The following WDR25 variants were observed in gnomAD, a reference collection of about 807,000 sequenced individuals.
The protein encoded by WDR25 is WD repeat-containing protein 25.
A neutral mutation model predicts 47.7 loss-of-function variants in WDR25; 35 were observed. The observed-to-expected ratio is 0.73, with a 90% CI of 0.56 to 0.97. The LOEUF is 0.97. Among genes scored for constraint, WDR25 ranks in the 50% least tolerant of loss-of-function variants. WDR25 has a pLI of 0.00. For synonymous variants in WDR25, 248 were observed against 278.9 expected (o/e 0.89, Z 1.10); for missense variants, 634 against 704.7 (o/e 0.90, Z 1.14).
In WDR25 at chr14:100,404,440, C is replaced by T. The variant is rs760975792; in HGVS notation, c.822+22694C>T. Among the ~76,000 whole-genome samples the T allele has an allele frequency of 1.3e-5, 2 of 152,252 alleles. No homozygotes were observed. The highest frequency in any genetic ancestry group is 6.5e-5 in the Admixed American group (1 of 15,294). On this transcript the variant is annotated intron_variant, in intron 2 of 6. Coordinates refer to ENST00000402312, the MANE Select transcript of WDR25 (RefSeq NM_001161476.3). This position sits in a 1 kb window ranked among gnomAD's most constrained non-coding sequence, Gnocchi z 4.6. ...AAGCTGGGTTTACCACTGACAGTGT[C>T]ATTTCTCATGTGGTTTTCACCTTGA...
intron 2 of WDR25, among the ~76,000 whole-genome samples, chr14:100,418,451 G>A (rs1483378680): frequency 6.6e-6 from 1 of 151,610 alleles, no homozygotes. Flanking sequence ...GGCCAACACG[G>A]TGAAACCCCT....
At chr14:100,447,983 C>T (rs994919056) in intron 2 of WDR25, among the ~76,000 whole-genome samples, 3 of 152,042 alleles carry the variant, frequency 2.0e-5, no homozygotes, top group Non-Finnish European at 2.9e-5. Context: ...CACCTGAGGT[C>T]GGGAGTTCGA....
At chr14:100,474,901 G>C (rs1431947628) in intron 3 of WDR25, among the ~76,000 whole-genome samples, 1 of 152,180 alleles carries the variant, frequency 6.6e-6, no homozygotes, top group Non-Finnish European at 1.5e-5. Context: ...CATCTTGTGA[G>C]GGGCTAATAT....
chr14:100,417,256 C>T (rs1210739015), intron 2 of WDR25, among the ~76,000 whole-genome samples: 2 of 152,260 alleles, frequency 1.3e-5, no homozygotes, highest in Non-Finnish European at 2.9e-5. Flanking sequence ...CTGGTGCTGA[C>T]ACTAGCTCAG....
At chr14:100,412,673 AT>A (rs978110673) in intron 2 of WDR25, among the ~76,000 whole-genome samples, 1 of 152,118 alleles carries the variant, frequency 6.6e-6, no homozygotes, top group African/African-American at 2.4e-5. Flanking sequence ...AAAATGGGTA[AT>A]GTCTCTGTGG....
chr14:100,376,678 C>T (rs1896688608), intron 1 of WDR25, 183 bp downstream of exon 1: 8 of 1,231,550 alleles, frequency 6.5e-6, no homozygotes, highest in Non-Finnish European at 8.1e-6. Context: ...CAGCTAACTC[C>T]TATTCATCCT....
intron 2 of WDR25, 87 bp from the exon 3 acceptor site, chr14:100,467,934 C>A: frequency 1.3e-6 from 2 of 1,521,708 alleles, no homozygotes; most frequent in Non-Finnish European, 1.8e-6. Context: ...TCCACCGAGA[C>A]CTTTTTCTTT....
intron 2 of WDR25, among the ~76,000 whole-genome samples, chr14:100,389,520 G>A (rs1897092236): frequency 6.6e-6 from 1 of 152,296 alleles, no homozygotes; most frequent in Non-Finnish European, 1.5e-5. Context: ...ATACTGGGGG[G>A]AGTGGAGCAA....
At chr14:100,473,084 C>T (rs1419797135) in intron 3 of WDR25, among the ~76,000 whole-genome samples, 1 of 152,256 alleles carries the variant, frequency 6.6e-6, no homozygotes, top group African/African-American at 2.4e-5. Flanking sequence ...TGTTTTCAAT[C>T]TATGACTGGG....
At chr14:100,421,601 G>A (rs965847391) in intron 2 of WDR25, among the ~76,000 whole-genome samples, 6 of 152,118 alleles carry the variant, frequency 3.9e-5, no homozygotes, top group South Asian at 4.1e-4. Flanking sequence ...GCATTTTTCC[G>A]TATTTATACT....
At chr14:100,417,562 C>T (rs1017688217) in intron 2 of WDR25, among the ~76,000 whole-genome samples, 3 of 152,164 alleles carry the variant, frequency 2.0e-5, no homozygotes, top group African/African-American at 4.8e-5. Context: ...GAGGCTACTG[C>T]GAGTCACCTT....
At chr14:100,527,227 CCACCATCATCACCACCGTCATCTCTGTCA>C (rs2030221344) in intron 5 of WDR25, among the ~76,000 whole-genome samples, 1 of 151,654 alleles carries the variant, frequency 6.6e-6, no homozygotes, top group Non-Finnish European at 1.5e-5. Flanking sequence ...ACCACCATTA[CCACCATCATCACCACCGTCATCTCTGTCA>C]CACCACCATC....
Position 100,475,273 on chromosome 14 carries a change from C to T in WDR25, c.970+7105C>T, listed in dbSNP as rs141094676. 9.2e-4 allele frequency among the ~76,000 whole-genome samples: 140 copies of T among 152,328 alleles called. 1 individual carries two copies. The highest frequency in any genetic ancestry group is 3.1e-3 in the African/African-American group (127 of 41,576). ...ACCGTATGATCCTGCAATCCCACTT[C>T]TGGGTGTATCTCCAAAGGAATTGAA... On this transcript the variant is annotated intron_variant, in intron 3 of 6. Transcript: ENST00000402312.
At chr14:100,412,825 G>T (rs1897749950) in intron 2 of WDR25, among the ~76,000 whole-genome samples, 1 of 152,190 alleles carries the variant, frequency 6.6e-6, no homozygotes, top group South Asian at 2.1e-4. Flanking sequence ...GAAAGCTGCT[G>T]AATGGTTTTG....
intron 2 of WDR25, chr14:100,455,306 G>T (rs1231819885): frequency 6.6e-6 from 1 of 152,134 alleles, no homozygotes; most frequent in African/African-American, 2.4e-5. Context: ...AGAGGGAAAT[G>T]ACAGAGCCAG....
At chr14:100,454,034 T>G (rs1273858541) in intron 2 of WDR25, among the ~76,000 whole-genome samples, 1 of 152,202 alleles carries the variant, frequency 6.6e-6, no homozygotes, top group Non-Finnish European at 1.5e-5. Flanking sequence ...TAGGAAGCAC[T>G]TAGGAAGATG....
At chr14:100,504,746 G>A (rs1296357439) in intron 4 of WDR25, 1 of 152,194 alleles carries the variant, frequency 6.6e-6, no homozygotes, top group East Asian at 1.9e-4. Flanking sequence ...ATAACTGAGA[G>A]TGGAATTGCT....
chr14:100,427,253 C>G (rs1188646197), intron 2 of WDR25, among the ~76,000 whole-genome samples: 1 of 152,114 alleles, frequency 6.6e-6, no homozygotes, highest in Non-Finnish European at 1.5e-5. Context: ...GTGAGACAGC[C>G]CTTTTCCCAC....
At chr14:100,475,376 C>A (rs1899983453) in intron 3 of WDR25, among the ~76,000 whole-genome samples, 1 of 152,182 alleles carries the variant, frequency 6.6e-6, no homozygotes, top group South Asian at 2.1e-4. Flanking sequence ...TGGAAGCCAC[C>A]TCGGTGTCCA....
Sources: gnomAD v4.1 joint callset for allele counts (sites outside exome capture counted in the v4.1 genomes callset) on GRCh38, gnomAD v4.1.1 for gene constraint, Gnocchi (gnomAD v3.1) non-coding constraint, MANE v1.5 for transcripts, NCBI Gene and HGNC (gene_info 2026-07-23, HGNC 2026-07-21) for gene names.